PAPPA2: variants seen among roughly 807,000 people sequenced by gnomAD.
PAPPA2 encodes the protein pappalysin-2.
In PAPPA2, 86 loss-of-function variants were observed where a neutral mutation model predicts 176.4. That is an observed-to-expected ratio of 0.49 (90% CI 0.41 to 0.58). The LOEUF (loss-of-function observed/expected upper bound fraction) is 0.58, where lower values mean the gene tolerates loss of function less well. PAPPA2 is among the 20% of genes least tolerant of loss of function. The pLI, the probability that PAPPA2 is intolerant of heterozygous loss-of-function variation, is 0.00. For missense variants in PAPPA2, 2,073 were observed against 2,256.9 expected (o/e 0.92, Z 1.65); for synonymous variants, 809 against 852.2 (o/e 0.95, Z 0.88).
At chr1:176,837,586 T>C (rs1055592825) in intron 21 of PAPPA2, among the ~76,000 whole-genome samples, 1 of 151,662 alleles carries the variant, frequency 6.6e-6, no homozygotes, top group African/African-American at 2.4e-5. Context: ...AAGCTTCAGA[T>C]ATTTGAAAAG....
At chr1:176,698,712 C>A (rs915890004) in intron 7 of PAPPA2, among the ~76,000 whole-genome samples, 1 of 152,180 alleles carries the variant, frequency 6.6e-6, no homozygotes, top group East Asian at 1.9e-4. Context: ...AGAGTGAAAT[C>A]ACTGGTCTTC....
intron 21 of PAPPA2, among the ~76,000 whole-genome samples, chr1:176,829,006 A>AAAATAAAT (rs1271823974): frequency 2.1e-4 from 32 of 152,176 alleles, no homozygotes; most frequent in African/African-American, 7.7e-4. Flanking sequence ...CCATCTCAAA[A>AAAATAAAT]AAATAAATAA....
intron 17 of PAPPA2, among the ~76,000 whole-genome samples, chr1:176,783,295 C>T (rs1664799107): frequency 6.6e-6 from 1 of 152,122 alleles, no homozygotes; most frequent in African/African-American, 2.4e-5. Flanking sequence ...CATCAGGTCC[C>T]CTTGGTCAGC....
intron 3 of PAPPA2, among the ~76,000 whole-genome samples, chr1:176,619,724 T>A (rs940698010): frequency 1.3e-5 from 2 of 152,238 alleles, no homozygotes; most frequent in African/African-American, 4.8e-5. Flanking sequence ...CTTTCTGTAA[T>A]CTGCCATTTT....
chr1:176,750,687 T>C (rs1390651129), intron 14 of PAPPA2, among the ~76,000 whole-genome samples: 1 of 152,214 alleles, frequency 6.6e-6, no homozygotes, highest in Non-Finnish European at 1.5e-5. Context: ...ATGTATTATA[T>C]ACTGTATTCT....
At chr1:176,606,587 C>T (rs1371768606) in intron 3 of PAPPA2, among the ~76,000 whole-genome samples, 1 of 152,160 alleles carries the variant, frequency 6.6e-6, no homozygotes, top group East Asian at 1.9e-4. Flanking sequence ...GCCTCAGCCT[C>T]CCGAGTGGCT....
At chr1:176,621,582 C>T (rs997377625) in intron 3 of PAPPA2, among the ~76,000 whole-genome samples, 2 of 152,120 alleles carry the variant, frequency 1.3e-5, no homozygotes, top group African/African-American at 4.8e-5. Context: ...AGAGAAAGAA[C>T]GCAATGGTGG....
chr1:176,808,106 T>C (rs980955177), intron 21 of PAPPA2, among the ~76,000 whole-genome samples: 4 of 152,080 alleles, frequency 2.6e-5, no homozygotes, highest in Non-Finnish European at 5.9e-5. Flanking sequence ...ACCTTGTCTT[T>C]AAGTAGTTCA....
intron 12 of PAPPA2, among the ~76,000 whole-genome samples, chr1:176,716,903 G>T (rs116486939): frequency 6.6e-6 from 1 of 152,040 alleles, no homozygotes; most frequent in Non-Finnish European, 1.5e-5. Flanking sequence ...GAGACACTGC[G>T]CCCGGCCACA....
intron 14 of PAPPA2, among the ~76,000 whole-genome samples, chr1:176,755,240 G>A (rs1663359518): frequency 6.6e-6 from 1 of 152,128 alleles, no homozygotes; most frequent in Non-Finnish European, 1.5e-5. Context: ...GTAGGGAGAG[G>A]TAGAGTCCCA....
chr1:176,672,278 C>T (rs865841042), intron 4 of PAPPA2, among the ~76,000 whole-genome samples: 2 of 151,754 alleles, frequency 1.3e-5, no homozygotes, highest in South Asian at 4.2e-4. Context: ...AAATAAGTTA[C>T]CAAAATTGAG....
chr1:176,601,439 G>C (rs1313691209), intron 3 of PAPPA2, among the ~76,000 whole-genome samples: 1 of 152,210 alleles, frequency 6.6e-6, no homozygotes, highest in Non-Finnish European at 1.5e-5. Context: ...TGAGAGGAGA[G>C]AGAGCCTGAC....
At chr1:176,668,560 G>T (rs147650105) in intron 3 of PAPPA2, among the ~76,000 whole-genome samples, 51 of 152,264 alleles carry the variant, frequency 3.3e-4, no homozygotes, top group African/African-American at 1.2e-3. Context: ...TGGTTGAGAA[G>T]CTAAGACAAT....
intron 1 of PAPPA2, among the ~76,000 whole-genome samples, chr1:176,480,871 C>T (rs902792497): frequency 6.6e-6 from 1 of 152,018 alleles, no homozygotes; most frequent in African/African-American, 2.4e-5. Context: ...AGCCAGTCAC[C>T]CGACTGTGCA....
chr1:176,508,652 A>C (rs1156468231), intron 1 of PAPPA2, among the ~76,000 whole-genome samples: 6 of 152,160 alleles, frequency 3.9e-5, no homozygotes, highest in Non-Finnish European at 8.8e-5. Flanking sequence ...TTCCCACCCA[A>C]GTCTCATATC....
In PAPPA2 at chr1:176,764,685, C is replaced by T. The variant is rs188770319; in HGVS notation, c.4152-981C>T. On this transcript the variant is annotated intron_variant, in intron 14 of 22. Transcript: ENST00000367662. ...GATCTGGGCTCACTGCAAGCTCCGC[C>T]TCCCGGGTTCACGCCATTCTCCTGC... 3.5e-3 allele frequency among the ~76,000 whole-genome samples: 525 copies of T among 152,128 alleles called. 4 individuals are homozygous for T. The highest frequency in any genetic ancestry group is 6.4e-3 in the Non-Finnish European group (432 of 67,988).
intron 1 of PAPPA2, among the ~76,000 whole-genome samples, chr1:176,542,409 T>C: frequency 6.6e-6 from 1 of 152,218 alleles, no homozygotes; most frequent in East Asian, 1.9e-4. Flanking sequence ...GCTGACTTCT[T>C]TAGTAATGCT....
chr1:176,625,661 A>C (rs947447504), intron 3 of PAPPA2, among the ~76,000 whole-genome samples: 1 of 152,218 alleles, frequency 6.6e-6, no homozygotes, highest in Non-Finnish European at 1.5e-5. Context: ...ATAGTACATC[A>C]AATTTATTTC....
intron 17 of PAPPA2, among the ~76,000 whole-genome samples, chr1:176,787,433 G>T (rs758110619): frequency 4.6e-5 from 7 of 151,866 alleles, no homozygotes; most frequent in Non-Finnish European, 1.0e-4. Context: ...AGAGGGTTTT[G>T]CCATGTTGCC....
Sources: gnomAD v4.1 joint callset for allele counts (sites outside exome capture counted in the v4.1 genomes callset) on GRCh38, gnomAD v4.1.1 for gene constraint, MANE v1.5 for transcripts, NCBI Gene and HGNC (gene_info 2026-07-23, HGNC 2026-07-21) for gene names.